The following EFHB variants were observed in gnomAD, a reference collection of about 807,000 sequenced individuals.
EFHB encodes EF-hand domain-containing family member B.
A neutral mutation model predicts 87.2 loss-of-function variants in EFHB; 91 were observed. That is an observed-to-expected ratio of 1.04 (90% CI 0.88 to 1.24). EFHB has a LOEUF of 1.24. EFHB is among the 50% of genes most tolerant of loss of function. EFHB has a pLI of 0.00. For synonymous variants in EFHB, 325 were observed against 333.6 expected, an observed-to-expected ratio of 0.97 and a Z score of 0.28; for missense variants, 1,084 against 998.8, an observed-to-expected ratio of 1.09 and a Z score of -1.15.
chr3:19,939,095 C>G (rs1559479760), upstream of EFHB, among the ~76,000 whole-genome samples: 1 of 151,872 alleles, frequency 6.6e-6, no homozygotes, highest in Non-Finnish European at 1.5e-5. Context: ...TCAGTAGAGA[C>G]AGGGTTTCAC....
In EFHB at chr3:19,915,303, C is replaced by T; in HGVS notation, c.1288G>A (p.Gly430Arg). ...YVVSHNDYYA[G>R]EAKNRKYNPS... ...CCATTTTGCATCGGAGGACACTTAC[C>T]TGCATAATAATCATTGTGAGAAACA... The change falls in exon 5 of 13, where the codon GGA becomes AGA. Residue 430 changes from glycine (G) to arginine (R), a missense_variant and splice_region_variant. By Grantham distance (125) the Gly-to-Arg change is moderately radical. Transcript: ENST00000295824. 1.2e-6 allele frequency: 2 copies of T among 1,604,532 alleles called. No homozygotes were observed. The highest frequency in any genetic ancestry group is 1.7e-6 in the Non-Finnish European group (2 of 1,172,478).
Position 19,882,911 on chromosome 3 carries a change from T to C in EFHB, c.2147-180A>G, listed in dbSNP as rs138175686. Among the ~76,000 whole-genome samples the C allele has an allele frequency of 5.5e-3, 835 of 152,340 alleles. 6 individuals carry two copies. The highest frequency in any genetic ancestry group is 0.02 in the African/African-American group (814 of 41,576). ...AGGAAAATATTTAATAATTGTTATA[T>C]TGATTAGTTATTGAAATGATAATAT... On this transcript the variant is annotated intron_variant, in intron 11 of 12. Transcript: ENST00000295824.
At chr3:19,919,642 T>C (rs760534551) in intron 3 of EFHB, among the ~76,000 whole-genome samples, 191 bp downstream of exon 3, 6 of 152,312 alleles carry the variant, frequency 3.9e-5, no homozygotes, top group Middle Eastern at 6.8e-3. Context: ...TTCTTCACAC[T>C]GTCTTGGCTG....
intron 5 of EFHB, among the ~76,000 whole-genome samples, chr3:19,908,583 AG>A (rs1559459593): frequency 1.3e-4 from 16 of 125,620 alleles, no homozygotes; most frequent in Middle Eastern, 3.6e-3. Flanking sequence ...AGAGAGAGAG[AG>A]AGAGAGAGAG....
Position 19,903,323 on chromosome 3 carries a change from T to C in EFHB, c.1418+2297A>G, listed in dbSNP as rs1694734155. On this transcript the variant is annotated intron_variant, in intron 6 of 12. Transcript: ENST00000295824. ...TTTGTGTCTTTTTCTATGGCAACAC[T>C]AAATCATTGATATTTGCTCTGCTCT... 2.6e-5 allele frequency among the ~76,000 whole-genome samples: 4 copies of C among 152,332 alleles called. No individual in the cohort carries two copies. The South Asian group carries it at 8.3e-4, about 32-fold the overall frequency.
chr3:19,911,886 AG>A (rs2125143335), intron 5 of EFHB, among the ~76,000 whole-genome samples: 1 of 152,256 alleles, frequency 6.6e-6, no homozygotes, highest in South Asian at 2.1e-4. Flanking sequence ...CAAGGTGCAA[AG>A]ATCACTTGAG....
intron 8 of EFHB, among the ~76,000 whole-genome samples, chr3:19,898,002 C>T (rs1017875719): frequency 6.6e-6 from 1 of 152,084 alleles, no homozygotes; most frequent in Non-Finnish European, 1.5e-5. Context: ...GGGCATGGGT[C>T]CCAGGAAGGT....
chr3:19,882,671 C>G lies in EFHB; in HGVS notation c.2207G>C (p.Arg736Pro). 1 of 1,613,600 alleles carries G rather than the reference C, an allele frequency of 6.2e-7. No individual in the cohort carries two copies. The highest frequency in any genetic ancestry group is 8.5e-7 in the Non-Finnish European group (1 of 1,179,764). ...ACCATAATTAGTTCTGTCACTGATGCGACGAATTCGGGGAGCAGGAATGTC... is the reference window on the plus strand; with the variant it reads ...ACCATAATTAGTTCTGTCACTGATGGGACGAATTCGGGGAGCAGGAATGTC... The part of the protein sequence containing the change: ...RSDIPAPRIR[R>P]ISDRTNYGEE... The change falls in exon 12 of 13, where the codon CGC becomes CCC. Residue 736 changes from arginine (R) to proline (P), a missense_variant. Coordinates refer to ENST00000295824, the MANE Select transcript of EFHB (RefSeq NM_144715.4).
chr3:19,933,477 T>A lies in EFHB; in HGVS notation c.542A>T (p.Lys181Ile). The change falls in exon 1 of 13, where the codon AAA (lysine) becomes ATA (isoleucine). Residue 181 changes from lysine to isoleucine, a missense_variant. Transcript: ENST00000295824. Reference sequence around the variant, plus strand: ...AGGAAGCTTAATCTCTGTGTTGGGTTTCATTAAAACACAGGTAGACTCTTT... The same window carrying A: ...AGGAAGCTTAATCTCTGTGTTGGGTATCATTAAAACACAGGTAGACTCTTT... ...MEKESTCVLMKPNTEIKLPVE... is the reference protein window; with the variant it reads ...MEKESTCVLMIPNTEIKLPVE... 1 of 1,613,968 alleles carries A rather than the reference T, an allele frequency of 6.2e-7. No individual in the cohort carries two copies.
intron 9 of EFHB, among the ~76,000 whole-genome samples, chr3:19,890,802 C>G (rs371813724): frequency 2.0e-5 from 3 of 152,166 alleles, no homozygotes; most frequent in African/African-American, 7.2e-5. Flanking sequence ...AACATAATTA[C>G]CAGGTAGACC....
Position 19,933,325 on chromosome 3 carries a change from C to G in EFHB, c.694G>C (p.Glu232Gln). 1 of 1,613,980 alleles carries G rather than the reference C, an allele frequency of 6.2e-7. No individual in the cohort carries two copies. Among genetic ancestry groups the G allele is most frequent in the Non-Finnish European group, 8.5e-7 (1 of 1,179,898 alleles). The part of the protein sequence containing the change: ...QFAQQHEQRK[E>Q]AGNIESGVEP... ...ACTCCTGATTCAATGTTTCCAGCCTCCTTTCTCTGTTCATGTTGTTGGGCA... is the reference window on the plus strand; with the variant it reads ...ACTCCTGATTCAATGTTTCCAGCCTGCTTTCTCTGTTCATGTTGTTGGGCA... The change falls in exon 1 of 13, where the codon GAG becomes CAG. Residue 232 changes from glutamate to glutamine, a missense_variant. Coordinates refer to ENST00000295824, the MANE Select transcript of EFHB (RefSeq NM_144715.4).
At chr3:19,936,916 A>AAAT (rs1696038613), upstream of EFHB, among the ~76,000 whole-genome samples, 4 of 137,580 alleles carry the variant, frequency 2.9e-5, no homozygotes, top group South Asian at 2.3e-4. Flanking sequence ...AATAAATAAA[A>AAAT]AGTGAGAAGG....
At chr3:19,897,135 A>T (rs1349995244) in intron 8 of EFHB, among the ~76,000 whole-genome samples, 3 of 152,242 alleles carry the variant, frequency 2.0e-5, no homozygotes, top group Non-Finnish European at 1.5e-5. Context: ...TTCCCTGGAC[A>T]GTGAAGTTCT....
intron 1 of EFHB, among the ~76,000 whole-genome samples, chr3:19,924,947 T>C (rs1695566518): frequency 6.6e-6 from 1 of 152,116 alleles, no homozygotes; most frequent in South Asian, 2.1e-4. Flanking sequence ...CTAAGCTCTC[T>C]TAAATAGAGT....
chr3:19,894,169 CA>C (rs1225723099), intron 9 of EFHB, among the ~76,000 whole-genome samples: 3 of 152,200 alleles, frequency 2.0e-5, no homozygotes, highest in Admixed American at 2.0e-4. Context: ...TGTTGTGTTA[CA>C]TATGTTCAAC....
chr3:19,906,825 T>C (rs943606979), intron 5 of EFHB, among the ~76,000 whole-genome samples: 2 of 152,070 alleles, frequency 1.3e-5, no homozygotes, highest in African/African-American at 4.8e-5. Flanking sequence ...TACAGAGCTG[T>C]AGTAATTAGA....
Position 19,933,626 on chromosome 3 carries a change from G to A in EFHB, c.393C>T (p.Gly131=), listed in dbSNP as rs780024957. 8.1e-6 allele frequency: 13 copies of A among 1,613,846 alleles called. No individual in the cohort carries two copies. Among genetic ancestry groups the A allele is most frequent in the Non-Finnish European group, 1.1e-5 (13 of 1,179,888 alleles). The change falls in exon 1 of 13, where the codon GGC becomes GGT. Residue 131 remains glycine, a synonymous_variant. Coordinates refer to ENST00000295824, the MANE Select transcript of EFHB (RefSeq NM_144715.4). ...THERIIQPPL[G]RVCGSSQAAG... ...CAGCCTGTGAACTTCCACACACCCT[G>A]CCCAAAGGAGGCTGTATTATCCGTT...
upstream of EFHB, among the ~76,000 whole-genome samples, chr3:19,937,283 A>AT (rs772950424): frequency 6.6e-6 from 1 of 152,080 alleles, no homozygotes; most frequent in African/African-American, 2.4e-5. Flanking sequence ...AAGACATTGC[A>AT]TTTTCCATTT....
intron 1 of EFHB, among the ~76,000 whole-genome samples, chr3:19,927,287 T>G (rs1695664772): frequency 6.6e-6 from 1 of 152,238 alleles, no homozygotes; most frequent in Admixed American, 6.5e-5. Context: ...TCTCTGACAG[T>G]GTTTTTCAAA....
Sources: allele counts gnomAD v4.1 joint callset (sites outside exome capture counted in the v4.1 genomes callset), GRCh38; gene constraint gnomAD v4.1.1; transcripts MANE v1.5; gene names NCBI Gene and HGNC (gene_info 2026-07-23, HGNC 2026-07-21).